Variants in PPHLN1 observed in about 807,000 individuals in gnomAD.
PPHLN1 encodes periphilin 1.
PPHLN1 carries 29 observed loss-of-function variants against 51.3 expected under a neutral mutation model. The observed-to-expected ratio is 0.57, with a 90% CI of 0.42 to 0.77. The LOEUF (loss-of-function observed/expected upper bound fraction) is 0.77. Ranked by LOEUF, PPHLN1 falls within the 30% of genes least tolerant of loss-of-function variation. The probability of loss-of-function intolerance (pLI) is 0.00; values close to 1 mark genes in which losing one functional copy is unlikely to be tolerated. For synonymous variants in PPHLN1, 147 were observed against 147.8 expected, an observed-to-expected ratio of 0.99 and a Z score of 0.04; for missense variants, 436 against 438.4, an observed-to-expected ratio of 0.99 and a Z score of 0.05.
At chr12:42,402,118 C>T (rs370619961) in intron 9 of PPHLN1, among the ~76,000 whole-genome samples, 17 of 152,246 alleles carry the variant, frequency 1.1e-4, no homozygotes, top group Middle Eastern at 3.4e-3. Context: ...CTATTACAGG[C>T]GTAAGCCACC....
At chr12:42,385,529 G>A (rs142137856) in intron 6 of PPHLN1, among the ~76,000 whole-genome samples, 88 of 152,324 alleles carry the variant, frequency 5.8e-4, no homozygotes, top group African/African-American at 1.9e-3. Context: ...TGATATGTTT[G>A]TAAAGGAAAC....
intron 7 of PPHLN1, among the ~76,000 whole-genome samples, chr12:42,391,662 T>C (rs1267229918): frequency 6.6e-6 from 1 of 152,170 alleles, no homozygotes; most frequent in Non-Finnish European, 1.5e-5. Context: ...ATATTTGTGT[T>C]TGTATATGTG....
At chr12:42,376,475 AG>A (rs1391398041) in intron 5 of PPHLN1, among the ~76,000 whole-genome samples, 2 of 152,212 alleles carry the variant, frequency 1.3e-5, no homozygotes, top group African/African-American at 2.4e-5. Context: ...GGAGATAAGA[AG>A]GTTATTTTAA....
At chr12:42,352,963 C>G (rs964985717) in intron 3 of PPHLN1, among the ~76,000 whole-genome samples, 1 of 151,882 alleles carries the variant, frequency 6.6e-6, no homozygotes, top group Non-Finnish European at 1.5e-5. Context: ...GTGGTGGGTG[C>G]CTGTAATCCC....
rs2078530502 is a variant in PPHLN1 at position 42,398,836 on chromosome 12, T to C, written c.769-18T>C. The C allele has an allele frequency of 1.2e-6, 2 of 1,610,400 alleles. No individual in the cohort carries two copies. The highest frequency in any genetic ancestry group is 2.2e-5 in the South Asian group (2 of 90,648). ...GTTTTTTAAGAAAATAATTAAAGAT[T>C]TCTAATTCCTTTTCAAGGCGGGATC... On this transcript the variant is annotated intron_variant, in intron 8 of 9. Transcript: ENST00000358314.
At chr12:42,445,097 CT>C, downstream of PPHLN1, 1 of 702,318 alleles carries the variant, frequency 1.4e-6, no homozygotes, top group South Asian at 1.5e-5. Context: ...CCCTGTGTGC[CT>C]TTTTTCTTTG....
At chr12:42,420,128 G>T (rs1375141146) in intron 9 of PPHLN1, among the ~76,000 whole-genome samples, 1 of 152,074 alleles carries the variant, frequency 6.6e-6, no homozygotes, top group East Asian at 1.9e-4. Context: ...TCACTGGAGA[G>T]GATTCAGTGT....
intron 4 of PPHLN1, 121 bp downstream of exon 4, chr12:42,355,343 A>G: frequency 1.2e-6 from 1 of 814,138 alleles, no homozygotes. Flanking sequence ...AAATTTTGAA[A>G]GCAACAAGCA....
At chr12:42,442,256 G>C (rs1444665204), downstream of PPHLN1, 1 of 161,090 alleles carries the variant, frequency 6.2e-6, no homozygotes, top group East Asian at 1.8e-4. Context: ...AAACCTTCTT[G>C]GAAGGCTGGG....
rs144963340 is a variant in PPHLN1, at chr12:42,345,261, G to A, written c.73-6624G>A. On this transcript the variant is annotated intron_variant, in intron 2 of 9. Coordinates refer to ENST00000358314, the MANE Select transcript of PPHLN1 (RefSeq NM_201439.2). ...TTATTACACACACTTAGAGGGTCTTGTAGTAGTAATCTTAGGGGTGAGACC... is the reference window on the plus strand; with the variant it reads ...TTATTACACACACTTAGAGGGTCTTATAGTAGTAATCTTAGGGGTGAGACC... 3.6e-4 allele frequency among the ~76,000 whole-genome samples: 55 copies of A among 152,200 alleles called. 1 individual carries two copies. Among genetic ancestry groups the A allele is most frequent in the African/African-American group, 1.3e-3 (53 of 41,524 alleles).
chr12:42,349,750 A>G (rs186581351), intron 2 of PPHLN1, among the ~76,000 whole-genome samples: 10,146 of 152,168 alleles, frequency 0.067, 371 homozygotes, highest in Admixed American at 0.092. Flanking sequence ...ACAGCATCCC[A>G]AGGCAGAAGA....
chr12:42,344,342 A>G (rs913931723), intron 2 of PPHLN1, among the ~76,000 whole-genome samples: 3 of 152,212 alleles, frequency 2.0e-5, no homozygotes, highest in African/African-American at 7.2e-5. Context: ...AATATCAAGC[A>G]TATAATAACA....
At chr12:42,422,069 T>A (rs1565999321) in intron 9 of PPHLN1, among the ~76,000 whole-genome samples, 1 of 152,040 alleles carries the variant, frequency 6.6e-6, no homozygotes, top group Non-Finnish European at 1.5e-5. Flanking sequence ...GAAGTAAGAG[T>A]GCACAGGGTC....
At chr12:42,413,002 G>T (rs182582614) in intron 9 of PPHLN1, among the ~76,000 whole-genome samples, 1 of 152,014 alleles carries the variant, frequency 6.6e-6, no homozygotes, top group African/African-American at 2.4e-5. Context: ...TGAGTTCCTC[G>T]TAGATTCTAG....
intron 4 of PPHLN1, among the ~76,000 whole-genome samples, chr12:42,367,423 T>G (rs969737716): frequency 6.7e-6 from 1 of 148,496 alleles, no homozygotes; most frequent in South Asian, 2.1e-4. Context: ...CTTAGTTTCT[T>G]TTTTTTTTTA....
At chr12:42,365,259 A>G (rs2075143758) in intron 4 of PPHLN1, among the ~76,000 whole-genome samples, 2 of 152,260 alleles carry the variant, frequency 1.3e-5, no homozygotes, top group South Asian at 4.1e-4. Flanking sequence ...CTTTCTCAAA[A>G]TAATTCTTGA....
At chr12:42,328,356 T>G (rs2069126919) in intron 1 of PPHLN1, among the ~76,000 whole-genome samples, 1 of 152,198 alleles carries the variant, frequency 6.6e-6, no homozygotes, top group South Asian at 2.1e-4. Context: ...TTATGGTTAA[T>G]AAAAAACCTC....
intron 3 of PPHLN1, among the ~76,000 whole-genome samples, chr12:42,354,579 AAT>A (rs2138281850): frequency 6.6e-6 from 1 of 152,264 alleles, no homozygotes; most frequent in South Asian, 2.1e-4. Flanking sequence ...TACCTTTGCA[AAT>A]ATGTCTTAGA....
intron 2 of PPHLN1, among the ~76,000 whole-genome samples, chr12:42,343,416 A>G (rs2071781459): frequency 6.6e-6 from 1 of 151,970 alleles, no homozygotes; most frequent in African/African-American, 2.4e-5. Flanking sequence ...CCATCCATAT[A>G]CTCCCCATTT....
Sources: gnomAD v4.1 joint callset for allele counts (sites outside exome capture counted in the v4.1 genomes callset) on GRCh38, gnomAD v4.1.1 for gene constraint, MANE v1.5 for transcripts, NCBI Gene and HGNC (gene_info 2026-07-23, HGNC 2026-07-21) for gene names.